The following AEN variants were observed in gnomAD, a reference collection of about 807,000 sequenced individuals.
The protein encoded by AEN is apoptosis enhancing nuclease, also known as apoptosis-enhancing nuclease.
Under a neutral mutation model 17.7 loss-of-function variants are expected in AEN, and 21 were observed. The observed-to-expected ratio is 1.19, with a 90% CI of 0.84 to 1.71. The LOEUF is 1.71. Ranked by LOEUF, AEN falls within the 40% of genes most tolerant of loss-of-function variation. AEN has a pLI of 0.00. For synonymous variants in AEN, 190 were observed against 173.0 expected, an observed-to-expected ratio of 1.10 and a Z score of -0.77; for missense variants, 462 against 435.9, an observed-to-expected ratio of 1.06 and a Z score of -0.53.
upstream of AEN, among the ~76,000 whole-genome samples, chr15:88,621,133 C>A (rs964358736): frequency 6.6e-6 from 1 of 152,192 alleles, no homozygotes; most frequent in African/African-American, 2.4e-5. Context: ...CTTCCCTTCT[C>A]TTTAAAATTT....
upstream of AEN, among the ~76,000 whole-genome samples, chr15:88,616,838 T>C (rs1343034791): frequency 6.6e-6 from 1 of 152,228 alleles, no homozygotes; most frequent in Non-Finnish European, 1.5e-5. Context: ...TGTTAGATGA[T>C]TTTGCCCAAC....
the AEN span, among the ~76,000 whole-genome samples, chr15:88,613,247 A>G: frequency 2.0e-5 from 3 of 152,134 alleles, no homozygotes; most frequent in South Asian, 6.2e-4. Context: ...CTACCCAGAG[A>G]CTTTGGCTGC....
At chr15:88,612,635 C>G in the AEN span, among the ~76,000 whole-genome samples, 1 of 151,682 alleles carries the variant, frequency 6.6e-6, no homozygotes, top group Non-Finnish European at 1.5e-5. Context: ...CAGAGTCTCA[C>G]TCTGTCCCAG....
the AEN span, chr15:88,608,230 G>A: frequency 2.0e-6 from 1 of 499,474 alleles, no homozygotes; most frequent in East Asian, 5.7e-5. Context: ...GATTGAATCT[G>A]CCTTAGTTCC....
the AEN span, chr15:88,611,986 GTTC>G: frequency 2.3e-6 from 1 of 436,232 alleles, no homozygotes; most frequent in South Asian, 1.7e-5. Context: ...CCTTCCACGT[GTTC>G]TTTTTTGTAT....
the AEN span, among the ~76,000 whole-genome samples, chr15:88,612,743 G>A: frequency 1.3e-5 from 2 of 152,146 alleles, no homozygotes; most frequent in Non-Finnish European, 2.9e-5. Context: ...TGGGATTACA[G>A]GTGAATGCCA....
chr15:88,630,756 A>C lies in AEN; in HGVS notation c.*462A>C. ...ACCCCAACTCAATGACTTGGGGGTA[A>C]AGTTCTCTTCCTTTTGTTGCCTACC... On this transcript the variant is annotated 3_prime_UTR_variant, in exon 4 of 4. Transcript: ENST00000332810. This position sits in a 1 kb window ranked among gnomAD's most constrained non-coding sequence, Gnocchi z 5.1. The C allele has an allele frequency of 4.6e-6, 1 of 216,002 alleles. No individual in the cohort carries two copies. Among genetic ancestry groups the C allele is most frequent in the Non-Finnish European group, 9.6e-6 (1 of 103,790 alleles). 13.4% of individuals were successfully genotyped at this position (216,002 alleles called of 1,614,324 possible). A position where few individuals can be genotyped will look rare whatever the true frequency, so the allele number is the denominator to read the frequency against.
the AEN span, chr15:88,611,789 GA>G: frequency 2.2e-6 from 1 of 462,354 alleles, no homozygotes; most frequent in Non-Finnish European, 4.4e-6. Context: ...GTGGCGAGGG[GA>G]GGGGGGTGGT....
chr15:88,612,193 C>G, the AEN span, among the ~76,000 whole-genome samples: 1 of 152,146 alleles, frequency 6.6e-6, no homozygotes, highest in Non-Finnish European at 1.5e-5. Context: ...TACTAATTCC[C>G]CCAACAATCA....
At position 88,622,420 on chromosome 15, in the gene AEN, C is replaced by A. The variant is rs189196531; in HGVS notation, c.-65+1038C>A. ...AGGAGGAGCCGCGGACAAAACCCCA[C>A]AGAGGTAGTGAAGGAATTGGCTTTT... On this transcript the variant is annotated intron_variant, in intron 1 of 3. Coordinates refer to ENST00000332810, the MANE Select transcript of AEN (RefSeq NM_022767.4). 9.2e-5 allele frequency among the ~76,000 whole-genome samples: 14 copies of A among 152,316 alleles called. No individual in the cohort carries two copies. In the East Asian group the frequency reaches 2.7e-3, roughly 29 times the overall value.
intron 2 of AEN, chr15:88,628,913 T>A (rs2057889055): frequency 3.3e-6 from 1 of 298,860 alleles, no homozygotes; most frequent in Non-Finnish European, 6.4e-6. Flanking sequence ...TAGAGTTGCT[T>A]GTATCTGGTA....
At chr15:88,613,995 C>T in the AEN span, among the ~76,000 whole-genome samples, 2 of 152,138 alleles carry the variant, frequency 1.3e-5, no homozygotes, top group East Asian at 1.9e-4. Flanking sequence ...TCTCCCCTAT[C>T]ATGTAGGAAT....
chr15:88,614,526 T>G, the AEN span, among the ~76,000 whole-genome samples: 3 of 152,084 alleles, frequency 2.0e-5, no homozygotes, highest in African/African-American at 7.2e-5. Flanking sequence ...TAAGGTAACT[T>G]TATTGGAGTC....
chr15:88,625,505 AAAAT>A (rs759500401), intron 1 of AEN, among the ~76,000 whole-genome samples: 1 of 152,222 alleles, frequency 6.6e-6, no homozygotes, highest in Admixed American at 6.5e-5. Flanking sequence ...AACTTATCTC[AAAAT>A]AAATAAATTA....
the AEN span, among the ~76,000 whole-genome samples, chr15:88,606,605 T>C: frequency 6.6e-6 from 1 of 152,174 alleles, no homozygotes; most frequent in South Asian, 2.1e-4. Context: ...GTTGCCTTGG[T>C]TACGGTGGGT....
At chr15:88,605,315 C>G in the AEN span, among the ~76,000 whole-genome samples, 7 of 152,318 alleles carry the variant, frequency 4.6e-5, no homozygotes, top group East Asian at 7.7e-4. The surrounding 1 kb of genome is among the most constrained non-coding windows in gnomAD (Gnocchi z 7.6). Context: ...GGAGCCGGCT[C>G]TCGCAACCCA....
the AEN span, chr15:88,608,152 C>T: frequency 1.9e-6 from 1 of 531,750 alleles, no homozygotes; most frequent in Non-Finnish European, 3.9e-6. Context: ...TGTGTATTGC[C>T]TTGTCAACCA....
the AEN span, among the ~76,000 whole-genome samples, chr15:88,606,578 C>T: frequency 6.6e-6 from 1 of 152,032 alleles, no homozygotes; most frequent in Non-Finnish European, 1.5e-5. Context: ...GGCAACCAGT[C>T]GCAGCACCTG....
the AEN span, chr15:88,608,345 C>T: frequency 3.6e-6 from 1 of 274,308 alleles, no homozygotes; most frequent in East Asian, 8.5e-5. Flanking sequence ...TTTTTACCTA[C>T]CTATTCGCAG....
Sources: allele counts gnomAD v4.1 joint callset (sites outside exome capture counted in the v4.1 genomes callset), GRCh38; gene constraint gnomAD v4.1.1; non-coding constraint Gnocchi (gnomAD v3.1); transcripts MANE v1.5; gene names NCBI Gene and HGNC (gene_info 2026-07-23, HGNC 2026-07-21).